NOC3L: variants seen among roughly 807,000 people sequenced by gnomAD.
NOC3L encodes the protein nucleolar complex protein 3 homolog.
NOC3L carries 85 observed loss-of-function variants against 102.5 expected under a neutral mutation model. The ratio of observed to expected loss-of-function variants is 0.83; its 90% CI spans 0.70 to 0.99. The LOEUF is 0.99. Among genes scored for constraint, NOC3L ranks in the 50% least tolerant of loss-of-function variants. The probability of loss-of-function intolerance (pLI) is 0.00; values close to 1 mark genes in which losing one functional copy is unlikely to be tolerated. For synonymous variants in NOC3L, 303 were observed against 309.4 expected (o/e 0.98, Z 0.22); for missense variants, 878 against 914.9 (o/e 0.96, Z 0.52).
the NOC3L span, chr10:94,315,543 C>T: frequency 6.7e-4 from 303 of 454,442 alleles, 3 homozygotes; most frequent in South Asian, 3.9e-3. Context: ...CCGAGGCGGG[C>T]AGATCACTTG....
chr10:94,346,656 A>G, intron 10 of NOC3L, 100 bp from the exon 11 acceptor site: 4 of 608,688 alleles, frequency 6.6e-6, no homozygotes, highest in Non-Finnish European at 9.7e-6. Context: ...TCCCTCGTTC[A>G]TGAAAAAACC....
intron 7 of NOC3L, 111 bp downstream of exon 7, chr10:94,352,785 G>A: frequency 2.3e-6 from 2 of 885,522 alleles, no homozygotes; most frequent in Non-Finnish European, 3.5e-6. Context: ...TCACGCCACT[G>A]CACTCTAGTC....
At chr10:94,324,096 A>G in the NOC3L span, among the ~76,000 whole-genome samples, 1 of 152,218 alleles carries the variant, frequency 6.6e-6, no homozygotes, top group Non-Finnish European at 1.5e-5. Flanking sequence ...TGTCTTAAGT[A>G]TAAGCTTCCT....
rs71482303 is a variant in NOC3L, at chr10:94,354,883, T to C, written c.696+80A>G. ...TGCTTTTCCTTTTAGTGTATGCTTA[T>C]AGGTAACAAGGGAATCTTAACAATT... On this transcript the variant is annotated intron_variant, in intron 6 of 20. Transcript: ENST00000371361. 206,800 of 1,405,092 alleles carry C rather than the reference T, an allele frequency of 0.15. 16,550 individuals are homozygous for C. The highest frequency in any genetic ancestry group is 0.21 in the Middle Eastern group (1,042 of 4,866). The allele number at this position is 1,405,092 out of a possible 1,614,324, so 87.0% of individuals were successfully genotyped here.
intron 4 of NOC3L, 27 bp downstream of exon 4, chr10:94,357,147 C>A: frequency 1.4e-6 from 2 of 1,432,746 alleles, no homozygotes; most frequent in Non-Finnish European, 1.8e-6. Flanking sequence ...AAAAGTTCAA[C>A]TAATATTACC....
Position 94,340,482 on chromosome 10 carries a change from T to C in NOC3L, c.1659A>G (p.Gln553=). The C allele has an allele frequency of 7.3e-7, 1 of 1,374,190 alleles. No individual in the cohort carries two copies. Among genetic ancestry groups the C allele is most frequent in the Non-Finnish European group, 9.7e-7 (1 of 1,026,396 alleles). The allele number at this position is 1,374,190 out of a possible 1,614,324, so 85.1% of individuals were successfully genotyped here. Residue 553 remains glutamine, a synonymous_variant, in exon 15 of 21, where the codon CAA becomes CAG. Transcript: ENST00000371361. ...CAGTCTGGACACAGTGAAGACTTTCTTGATAGCTTAGGTCCTTTAAAAAAA... is the reference window on the plus strand; with the variant it reads ...CAGTCTGGACACAGTGAAGACTTTCCTGATAGCTTAGGTCCTTTAAAAAAA... ...TLIESGDLSY[Q]ESLHCVQTAF...
intron 11 of NOC3L, 62 bp downstream of exon 11, chr10:94,346,362 AG>A: frequency 1.6e-6 from 2 of 1,246,242 alleles, no homozygotes; most frequent in Non-Finnish European, 2.2e-6. Flanking sequence ...TGTGCCTATA[AG>A]TTTAATCTAA....
At position 94,339,738 on chromosome 10, in the gene NOC3L, C is replaced by T. The variant is rs1195625200; in HGVS notation, c.1962+1G>A. The T allele has an allele frequency of 6.2e-7, 1 of 1,611,786 alleles. No individual in the cohort carries two copies. The highest frequency in any genetic ancestry group is 8.5e-7 in the Non-Finnish European group (1 of 1,178,556). On this transcript the variant is annotated splice_donor_variant, in intron 17 of 20. Transcript: ENST00000371361. LOFTEE classifies it high-confidence loss of function. ...CTCTGTTCATTTGTATCACTACTTA[C>T]ATGCATTAATATTCTGGTAGTTGCT...
intron 19 of NOC3L, among the ~76,000 whole-genome samples, chr10:94,336,504 C>T (rs984174656): frequency 3.3e-5 from 5 of 151,896 alleles, no homozygotes; most frequent in Admixed American, 2.0e-4. Context: ...CCCACCACCA[C>T]GCCTGGCTAA....
At chr10:94,344,382 A>G in intron 13 of NOC3L, 33 bp downstream of exon 13, 1 of 1,394,646 alleles carries the variant, frequency 7.2e-7, no homozygotes, top group Non-Finnish European at 1.0e-6. Context: ...ATTTAGAAGG[A>G]ATCTAAAAGA....
At chr10:94,342,408 C>T (rs1403906256) in intron 13 of NOC3L, among the ~76,000 whole-genome samples, 1 of 152,128 alleles carries the variant, frequency 6.6e-6, no homozygotes, top group African/African-American at 2.4e-5. Context: ...CTATGTAAAT[C>T]TTAGAAGAAT....
At position 94,338,987 on chromosome 10, in the gene NOC3L, C is replaced by G. The variant is rs12774398; in HGVS notation, c.1963-251G>C. Among the ~76,000 whole-genome samples, 26 of 152,150 alleles carry G rather than the reference C, an allele frequency of 1.7e-4. No individual in the cohort carries two copies. The South Asian group carries it at 5.2e-3, about 30-fold the overall frequency. On this transcript the variant is annotated intron_variant, in intron 17 of 20. Coordinates refer to ENST00000371361, the MANE Select transcript of NOC3L (RefSeq NM_022451.11). ...GCAAAAGAAAAAAATATGCTTCTCA[C>G]CTTGCAATCACACTTTTAGAAATCT...
intron 13 of NOC3L, among the ~76,000 whole-genome samples, chr10:94,342,095 G>C (rs2054291666): frequency 6.6e-6 from 1 of 152,196 alleles, no homozygotes; most frequent in African/African-American, 2.4e-5. Flanking sequence ...GGTGGGAAGA[G>C]AGACAAGGAA....
Position 94,338,642 on chromosome 10 carries a change from T to C in NOC3L, c.2057A>G (p.Gln686Arg), listed in dbSNP as rs139880950. The C allele has an allele frequency of 2.5e-6, 4 of 1,609,394 alleles. No individual in the cohort carries two copies. Among genetic ancestry groups the C allele is most frequent in the African/African-American group, 1.3e-5 (1 of 74,898 alleles). ...ATGCAGTTCCCACAGAGCAGTGTTC[T>C]GAGCATTGCAGTACTCAGGCTCATC... The part of the protein sequence containing the change: ...ELDEPEYCNA[Q>R]NTALWELHAL... The change falls in exon 18 of 21, where the codon CAG becomes CGG. Residue 686 changes from glutamine to arginine, a missense_variant. Transcript: ENST00000371361.
intron 2 of NOC3L, among the ~76,000 whole-genome samples, chr10:94,360,819 T>C (rs1419879628): frequency 1.3e-5 from 2 of 151,924 alleles, no homozygotes; most frequent in East Asian, 3.9e-4. Flanking sequence ...CCCATAAATA[T>C]ATACACCTAC....
intron 3 of NOC3L, 27 bp from the exon 4 acceptor site, chr10:94,357,358 C>T (rs771081165): frequency 6.5e-7 from 1 of 1,535,248 alleles, no homozygotes; most frequent in East Asian, 2.3e-5. Context: ...GATCAATTTT[C>T]AGTCTTAATA....
chr10:94,337,605 A>C (rs1039520255), intron 19 of NOC3L, among the ~76,000 whole-genome samples, 172 bp downstream of exon 19: 2 of 152,240 alleles, frequency 1.3e-5, no homozygotes, highest in Non-Finnish European at 2.9e-5. Context: ...GATCAACAAA[A>C]TCATAGCATG....
At chr10:94,351,508 T>C (rs2054418034) in intron 8 of NOC3L, among the ~76,000 whole-genome samples, 1 of 152,144 alleles carries the variant, frequency 6.6e-6, no homozygotes, top group Non-Finnish European at 1.5e-5. Context: ...CAAATATCCA[T>C]TTCTAGTTAT....
Position 94,340,465 on chromosome 10 carries a change from A to G in NOC3L, c.1676T>C (p.Val559Ala), listed in dbSNP as rs2054269012. The change falls in exon 15 of 21, where the codon GTC (valine) becomes GCC (alanine). Residue 559 changes from valine to alanine, a missense_variant. Transcript: ENST00000371361. Reference protein sequence around the residue: ...DLSYQESLHCVQTAFHILSGQ... With the variant: ...DLSYQESLHCAQTAFHILSGQ... Reference sequence around the variant, plus strand: ...AGAAAGAATATGAAAAGCAGTCTGGACACAGTGAAGACTTTCTTGATAGCT... The same window carrying G: ...AGAAAGAATATGAAAAGCAGTCTGGGCACAGTGAAGACTTTCTTGATAGCT... 1 of 1,454,524 alleles carries G rather than the reference A, an allele frequency of 6.9e-7. No individual in the cohort carries two copies. 90.1% of individuals were successfully genotyped at this position (1,454,524 alleles called of 1,614,324 possible).
Sources: allele counts gnomAD v4.1 joint callset (sites outside exome capture counted in the v4.1 genomes callset), GRCh38; gene constraint gnomAD v4.1.1; transcripts MANE v1.5; gene names NCBI Gene and HGNC (gene_info 2026-07-23, HGNC 2026-07-21).